The following UPRT variants were observed in gnomAD, a reference collection of about 807,000 sequenced individuals.
UPRT encodes uracil phosphoribosyltransferase homolog.
In UPRT, 5 loss-of-function variants were observed where a neutral mutation model predicts 22.6. The ratio of observed to expected loss-of-function variants is 0.22; its 90% CI spans 0.12 to 0.47. The LOEUF is 0.47. Ranked by LOEUF, UPRT falls within the 20% of genes least tolerant of loss-of-function variation. The pLI is 0.99. For missense variants in UPRT, 181 were observed against 239.9 expected, an observed-to-expected ratio of 0.75 and a Z score of 1.62; for synonymous variants, 77 against 87.7, an observed-to-expected ratio of 0.88 and a Z score of 0.68.
At chrX:75,200,326 G>A (rs778839105) in intron 4 of UPRT, among the ~76,000 whole-genome samples, 1 of 112,478 alleles carries the variant, frequency 8.9e-6, no homozygotes, top group African/African-American at 3.2e-5. Flanking sequence ...GGGCATGGTG[G>A]CTCTTGCCTG....
intron 3 of UPRT, among the ~76,000 whole-genome samples, chrX:75,167,687 T>A (rs1297534846): frequency 8.9e-6 from 1 of 112,042 alleles, no homozygotes; most frequent in African/African-American, 3.2e-5. Flanking sequence ...GTGTATATTT[T>A]CTTTTGAAAA....
upstream of UPRT, among the ~76,000 whole-genome samples, chrX:75,272,429 G>A (rs910022037): frequency 1.9e-5 from 2 of 103,301 alleles, no homozygotes; most frequent in African/African-American, 7.2e-5. Flanking sequence ...AATGGCTTTT[G>A]CAGCGACCTG....
intron 1 of UPRT, among the ~76,000 whole-genome samples, chrX:75,159,948 T>G (rs2082194268): frequency 9.1e-6 from 1 of 109,301 alleles, no homozygotes; most frequent in Admixed American, 9.8e-5. Context: ...GGCTAATTTT[T>G]TGTATTTTTA....
At chrX:75,218,859 A>C (rs1188377279) in intron 4 of UPRT, among the ~76,000 whole-genome samples, 1 of 108,347 alleles carries the variant, frequency 9.2e-6, no homozygotes, top group African/African-American at 3.4e-5. Flanking sequence ...GGACACAGGA[A>C]GGGGAACGTC....
Position 75,244,680 on chromosome X carries a change from C to T in UPRT, c.-446-46344C>T, listed in dbSNP as rs138811856. On this transcript the variant is annotated intron_variant, in intron 4 of 13. Transcript: ENST00000652605. ...CACAACAAGCAACAGAGAAAAGACT[C>T]CCTCTTCAATAAATGGTTCAAAGAT... 1.0e-3 allele frequency among the ~76,000 whole-genome samples: 112 copies of T among 111,023 alleles called. 1 individual carries two copies. In the East Asian group the frequency reaches 0.03, roughly 30 times the overall value.
intron 4 of UPRT, among the ~76,000 whole-genome samples, chrX:75,255,849 C>G (rs777027188): frequency 1.8e-5 from 2 of 111,546 alleles, no homozygotes; most frequent in Non-Finnish European, 3.8e-5. Flanking sequence ...CACTGGAGCT[C>G]TTAAATTTAT....
At chrX:75,280,206 A>AT (rs2082649257) in intron 1 of UPRT, among the ~76,000 whole-genome samples, 1 of 107,442 alleles carries the variant, frequency 9.3e-6, no homozygotes, top group East Asian at 3.0e-4. Flanking sequence ...GATTGTGAAG[A>AT]TTTTCTCCCA....
Position 75,213,712 on chromosome X carries a change from C to CA in UPRT, c.-447+45842dup, listed in dbSNP as rs201520267. Reference sequence around the variant, plus strand: ...ATTTAAGACAAAGCAGACTTCAGAGCAAAAAAAAAGTATCAGGATAAAGAG... The same window carrying CA: ...ATTTAAGACAAAGCAGACTTCAGAGCAAAAAAAAAAGTATCAGGATAAAGAG... On this transcript the variant is annotated intron_variant, in intron 4 of 13. Transcript: ENST00000652605. Among the ~76,000 whole-genome samples, 570 of 107,812 alleles carry CA rather than the reference C, an allele frequency of 5.3e-3. 4 individuals carry two copies. The highest frequency in any genetic ancestry group is 0.015 in the South Asian group (39 of 2,539). The allele number at this position is 107,812 out of a possible 115,157, so 93.6% of individuals were successfully genotyped here.
chrX:75,274,977 G>A (rs1399933645), intron 1 of UPRT, among the ~76,000 whole-genome samples: 1 of 110,374 alleles, frequency 9.1e-6, no homozygotes. Context: ...TACTATGTGG[G>A]CAGTGCTTGT....
chrX:75,284,470 C>A (rs1027965142), intron 1 of UPRT, among the ~76,000 whole-genome samples: 1 of 111,720 alleles, frequency 9.0e-6, no homozygotes, highest in Admixed American at 9.5e-5. Flanking sequence ...TGTTCAGATT[C>A]TTTTGTCCCA....
intron 4 of UPRT, among the ~76,000 whole-genome samples, chrX:75,265,826 T>C (rs1159531969): frequency 9.0e-6 from 1 of 111,473 alleles, no homozygotes; most frequent in Non-Finnish European, 1.9e-5. Context: ...CCTTTGGTCT[T>C]TGATGATGGT....
Position 75,274,421 on chromosome X carries a change from C to G in UPRT, c.167C>G (p.Ala56Gly), listed in dbSNP as rs756852397. Residue 56 changes from alanine (A) to glycine (G), a missense_variant, in exon 1 of 7, where the codon GCC becomes GGC. Ala to Gly is a moderately conservative substitution (Grantham distance 60, BLOSUM62 0). Transcript: ENST00000373383. Reference sequence around the variant, plus strand: ...AAGGTGATTCTCCTCACGGGGTACGCCCATTCTAGCCTGCCGGCCGAGCTG... The same window carrying G: ...AAGGTGATTCTCCTCACGGGGTACGGCCATTCTAGCCTGCCGGCCGAGCTG... ...RAKVILLTGYAHSSLPAELDS... is the reference protein window; with the variant it reads ...RAKVILLTGYGHSSLPAELDS... The G allele has an allele frequency of 8.3e-7, 1 of 1,209,629 alleles. No homozygotes were observed. Among genetic ancestry groups the G allele is most frequent in the South Asian group, 1.8e-5 (1 of 56,636 alleles).
chrX:75,167,735 T>G (rs1295861656), intron 3 of UPRT, among the ~76,000 whole-genome samples: 2 of 110,441 alleles, frequency 1.8e-5, no homozygotes, highest in Non-Finnish European at 3.8e-5. Flanking sequence ...TTTAACAGGG[T>G]TTTTTGGTTT....
intron 4 of UPRT, among the ~76,000 whole-genome samples, chrX:75,184,078 T>C (rs1461198254): frequency 8.9e-6 from 1 of 112,202 alleles, no homozygotes; most frequent in African/African-American, 3.2e-5. Flanking sequence ...TTTTGGTGTT[T>C]TAGACCTGAA....
At chrX:75,217,248 A>G (rs973554432) in intron 4 of UPRT, among the ~76,000 whole-genome samples, 2 of 110,737 alleles carry the variant, frequency 1.8e-5, no homozygotes, top group Non-Finnish European at 3.8e-5. Flanking sequence ...TGATGCCTCC[A>G]GTTTTGTTCT....
At chrX:75,200,979 G>T (rs763054040) in intron 4 of UPRT, among the ~76,000 whole-genome samples, 87 of 111,819 alleles carry the variant, frequency 7.8e-4, no homozygotes, top group Non-Finnish European at 1.1e-3. Flanking sequence ...AAACCAATCT[G>T]CCTATAGATT....
chrX:75,231,144 A>C (rs753411441), intron 4 of UPRT, among the ~76,000 whole-genome samples: 116 of 111,871 alleles, frequency 1.0e-3, no homozygotes, highest in African/African-American at 3.6e-3. Context: ...GTTGATTATT[A>C]AGCTACTCAA....
intron 1 of UPRT, among the ~76,000 whole-genome samples, chrX:75,284,353 G>T (rs2082670934): frequency 9.0e-6 from 1 of 110,991 alleles, no homozygotes; most frequent in East Asian, 2.8e-4. Context: ...TGTGATTTTT[G>T]GGGGCTGTTA....
chrX:75,157,101 A>G (rs1397045477), intron 1 of UPRT, among the ~76,000 whole-genome samples: 1 of 112,419 alleles, frequency 8.9e-6, no homozygotes, highest in Non-Finnish European at 1.9e-5. Flanking sequence ...TGTCACCACT[A>G]TTATCAAACA....
Sources: gnomAD v4.1 joint callset for allele counts (sites outside exome capture counted in the v4.1 genomes callset) on GRCh38, gnomAD v4.1.1 for gene constraint, MANE v1.5 for transcripts, NCBI Gene and HGNC (gene_info 2026-07-23, HGNC 2026-07-21) for gene names.